BMAL2: variants seen among roughly 807,000 people sequenced by gnomAD.
BMAL2 encodes basic helix-loop-helix ARNT-like protein 2.
the BMAL2 span, among the ~76,000 whole-genome samples, chr12:27,420,161 T>C: frequency 1.3e-5 from 2 of 152,178 alleles, no homozygotes; most frequent in Non-Finnish European, 2.9e-5. Flanking sequence ...CTGTAGCAGA[T>C]GAATTAGGTG....
At chr12:27,345,226 C>T in the BMAL2 span, among the ~76,000 whole-genome samples, 1 of 152,212 alleles carries the variant, frequency 6.6e-6, no homozygotes, top group South Asian at 2.1e-4. Context: ...AAAAATGCCC[C>T]CTGCTCACTT....
the BMAL2 span, among the ~76,000 whole-genome samples, chr12:27,411,153 G>T: frequency 1.3e-5 from 2 of 151,668 alleles, no homozygotes; most frequent in Admixed American, 1.3e-4. Flanking sequence ...TTTGAGGCAG[G>T]GTCTTGCTCT....
At chr12:27,401,568 A>G in the BMAL2 span, 1 of 1,608,214 alleles carries the variant, frequency 6.2e-7, no homozygotes. Context: ...CTACAAATTC[A>G]GAGCAAAAGA....
At chr12:27,418,482 A>G in the BMAL2 span, among the ~76,000 whole-genome samples, 1 of 151,882 alleles carries the variant, frequency 6.6e-6, no homozygotes, top group African/African-American at 2.4e-5. Context: ...GCTCATGTCT[A>G]TAGTCTTAGC....
At chr12:27,403,476 T>G in the BMAL2 span, 2 of 1,611,748 alleles carry the variant, frequency 1.2e-6, no homozygotes, top group Non-Finnish European at 1.7e-6. Context: ...GAATGTCTAC[T>G]GGAACAGTAC....
the BMAL2 span, among the ~76,000 whole-genome samples, chr12:27,410,916 A>G: frequency 6.6e-6 from 1 of 152,140 alleles, no homozygotes; most frequent in African/African-American, 2.4e-5. Context: ...AACCTTACAC[A>G]TAACTATATC....
chr12:27,406,143 G>C, the BMAL2 span, among the ~76,000 whole-genome samples: 1 of 152,128 alleles, frequency 6.6e-6, no homozygotes, highest in African/African-American at 2.4e-5. Context: ...TGACGGGGAG[G>C]ATGGAACCAA....
At chr12:27,389,350 A>C in the BMAL2 span, 1 of 1,239,640 alleles carries the variant, frequency 8.1e-7, no homozygotes, top group Non-Finnish European at 1.2e-6. Context: ...ATGATCACCT[A>C]AAAGTTTAGC....
At chr12:27,357,339 A>G in the BMAL2 span, among the ~76,000 whole-genome samples, 1 of 152,216 alleles carries the variant, frequency 6.6e-6, no homozygotes, top group Non-Finnish European at 1.5e-5. Context: ...AAGGAAAACT[A>G]CAAAGCACTA....
At chr12:27,357,247 C>A in the BMAL2 span, among the ~76,000 whole-genome samples, 1 of 152,080 alleles carries the variant, frequency 6.6e-6, no homozygotes, top group Non-Finnish European at 1.5e-5. Context: ...ATAATGACTT[C>A]TTTTCCTCTT....
chr12:27,364,337 C>A, the BMAL2 span, among the ~76,000 whole-genome samples: 1 of 152,274 alleles, frequency 6.6e-6, no homozygotes, highest in South Asian at 2.1e-4. Context: ...TCAAATCCAA[C>A]TGGATTTGTT....
the BMAL2 span, among the ~76,000 whole-genome samples, chr12:27,383,858 G>A: frequency 6.6e-6 from 1 of 152,278 alleles, no homozygotes; most frequent in Admixed American, 6.5e-5. Context: ...GCTCTTAAGA[G>A]TGCTACGAGT....
the BMAL2 span, among the ~76,000 whole-genome samples, chr12:27,334,883 C>T: frequency 1.1e-4 from 17 of 152,170 alleles, no homozygotes; most frequent in Non-Finnish European, 1.9e-4. Flanking sequence ...ATCTCCATTT[C>T]ACAGATGAGA....
the BMAL2 span, among the ~76,000 whole-genome samples, chr12:27,420,019 G>GCGCGCGCGCGCACACACACACACACACA: frequency 6.8e-6 from 1 of 147,478 alleles, no homozygotes; most frequent in African/African-American, 2.5e-5. Flanking sequence ...GTTTGCGCGT[G>GCGCGCGCGCGCACACACACACACACACA]CACACACACA....
chr12:27,394,808 A>G, the BMAL2 span, among the ~76,000 whole-genome samples: 16 of 152,214 alleles, frequency 1.1e-4, no homozygotes, highest in Non-Finnish European at 1.6e-4. Context: ...TGAGGACCTC[A>G]TCATGGGATT....
At chr12:27,413,035 TG>T in the BMAL2 span, among the ~76,000 whole-genome samples, 24 of 150,258 alleles carry the variant, frequency 1.6e-4, no homozygotes, top group African/African-American at 5.6e-4. Context: ...ATACTACATG[TG>T]GTAAGGCTGT....
the BMAL2 span, among the ~76,000 whole-genome samples, chr12:27,403,135 A>G: frequency 2.0e-5 from 3 of 152,224 alleles, no homozygotes; most frequent in Admixed American, 2.0e-4. Context: ...CCACAGGAAT[A>G]TATTAATGTA....
the BMAL2 span, among the ~76,000 whole-genome samples, chr12:27,351,367 T>G: frequency 8.5e-5 from 13 of 152,206 alleles, no homozygotes; most frequent in Non-Finnish European, 1.6e-4. Context: ...ATAAATGCCT[T>G]AATCATGTCT....
chr12:27,403,354 A>T, the BMAL2 span: 2 of 965,574 alleles, frequency 2.1e-6, no homozygotes, highest in Non-Finnish European at 3.2e-6. Flanking sequence ...TGTTTCTTTT[A>T]AGGAGAGAAC....
Sources: gnomAD v4.1 joint callset for allele counts (sites outside exome capture counted in the v4.1 genomes callset) on GRCh38, gnomAD v4.1.1 for gene constraint, MANE v1.5 for transcripts, NCBI Gene and HGNC (gene_info 2026-07-23, HGNC 2026-07-21) for gene names.